The following ATRNL1 variants were observed in gnomAD, a reference collection of about 807,000 sequenced individuals.
The protein encoded by ATRNL1 is attractin like 1.
Under a neutral mutation model 182.7 loss-of-function variants are expected in ATRNL1, and 95 were observed. The ratio of observed to expected loss-of-function variants is 0.52; its 90% confidence interval spans 0.44 to 0.62. The LOEUF (loss-of-function observed/expected upper bound fraction) is 0.62. ATRNL1 is among the 20% of genes least tolerant of loss of function. The pLI, the probability that ATRNL1 is intolerant of heterozygous loss-of-function variation, is 0.00. For synonymous variants in ATRNL1, 576 were observed against 568.3 expected (o/e 1.01, Z -0.19); for missense variants, 1,471 against 1,679.5 (o/e 0.88, Z 2.17).
At chr10:115,649,898 C>G (rs1028425939) in intron 26 of ATRNL1, among the ~76,000 whole-genome samples, 1 of 151,836 alleles carries the variant, frequency 6.6e-6, no homozygotes, top group East Asian at 1.9e-4. Context: ...ATAGATAGTC[C>G]AATAAAAGAA....
At chr10:115,736,157 C>T (rs568182142) in intron 27 of ATRNL1, among the ~76,000 whole-genome samples, 12 of 152,238 alleles carry the variant, frequency 7.9e-5, no homozygotes, top group East Asian at 1.9e-4. Flanking sequence ...TGATTAGATG[C>T]GTGTTAAACC....
chr10:115,098,490 C>G, intron 1 of ATRNL1, among the ~76,000 whole-genome samples: 1 of 114,086 alleles, frequency 8.8e-6, no homozygotes, highest in Non-Finnish European at 1.6e-5. Flanking sequence ...GAGACCGAGT[C>G]TGGCTCTGTC....
At chr10:115,596,932 T>C (rs782077079) in intron 26 of ATRNL1, among the ~76,000 whole-genome samples, 5 of 152,126 alleles carry the variant, frequency 3.3e-5, no homozygotes, top group Non-Finnish European at 7.4e-5. Context: ...TGATTTATAA[T>C]GTTACATTTA....
At chr10:115,684,422 CATT>C (rs1347594795) in intron 26 of ATRNL1, among the ~76,000 whole-genome samples, 2 of 148,992 alleles carry the variant, frequency 1.3e-5, no homozygotes, top group African/African-American at 2.4e-5. Context: ...TTTGTAATAA[CATT>C]AGTACAAATA....
chr10:115,796,998 A>G (rs965368860), intron 27 of ATRNL1, among the ~76,000 whole-genome samples: 9 of 152,206 alleles, frequency 5.9e-5, no homozygotes, highest in Admixed American at 5.2e-4. Context: ...TTTCAACCTT[A>G]TAGCTCCTCC....
rs1317855022 is a variant in ATRNL1, at chr10:115,254,555, G to A, written c.1688-10638G>A. ...ATATTAGCCCTTTGTCAGATGGGTA[G>A]ATTGCAAAAATTTTCTCCCATTCTG... On this transcript the variant is annotated intron_variant, in intron 10 of 28. Transcript: ENST00000355044. 7.9e-5 allele frequency among the ~76,000 whole-genome samples: 12 copies of A among 152,206 alleles called. No homozygotes were observed. In the East Asian group the frequency reaches 2.1e-3, roughly 27 times the overall value.
chr10:115,644,804 T>TAGA (rs1217948434), intron 26 of ATRNL1, among the ~76,000 whole-genome samples: 18 of 152,182 alleles, frequency 1.2e-4, no homozygotes, highest in African/African-American at 3.6e-4. Context: ...ATAAAGTGCT[T>TAGA]AGAAGCAATA....
chr10:115,941,017 A>G (rs1953715613), intron 28 of ATRNL1, among the ~76,000 whole-genome samples: 1 of 152,226 alleles, frequency 6.6e-6, no homozygotes, highest in Admixed American at 6.5e-5. Flanking sequence ...TAAAGGACCT[A>G]AGCCAAATGA....
intron 28 of ATRNL1, among the ~76,000 whole-genome samples, chr10:115,939,984 T>C (rs1555123803): frequency 6.6e-6 from 1 of 152,230 alleles, no homozygotes; most frequent in Non-Finnish European, 1.5e-5. Context: ...ACGACCTTTA[T>C]GTCTTTGTTG....
intron 27 of ATRNL1, among the ~76,000 whole-genome samples, chr10:115,734,268 G>A (rs12259760): frequency 1.3e-5 from 2 of 151,900 alleles, no homozygotes; most frequent in Non-Finnish European, 2.9e-5. Context: ...TAGAAATGTC[G>A]CTGTTCACAC....
At chr10:115,332,791 A>G (rs1159752869) in intron 18 of ATRNL1, among the ~76,000 whole-genome samples, 1 of 151,688 alleles carries the variant, frequency 6.6e-6, no homozygotes, top group South Asian at 2.1e-4. Context: ...TTTTCTGAAT[A>G]TAAGAGGCAG....
intron 19 of ATRNL1, among the ~76,000 whole-genome samples, chr10:115,391,860 T>G (rs542820693): frequency 1.3e-5 from 2 of 152,142 alleles, no homozygotes; most frequent in African/African-American, 4.8e-5. Flanking sequence ...ATTTTTGACT[T>G]AATTGTATTG....
intron 9 of ATRNL1, among the ~76,000 whole-genome samples, chr10:115,223,219 T>C (rs782368467): frequency 3.9e-5 from 6 of 152,152 alleles, no homozygotes; most frequent in African/African-American, 7.2e-5. Flanking sequence ...AGGCAGAGGT[T>C]GCAATGAGCT....
chr10:115,712,777 A>T (rs1367718992), intron 26 of ATRNL1, among the ~76,000 whole-genome samples: 3 of 151,956 alleles, frequency 2.0e-5, no homozygotes, highest in Non-Finnish European at 2.9e-5. Context: ...CTGAGGCACG[A>T]TGATCGCTTG....
chr10:115,701,642 A>G (rs1946740254), intron 26 of ATRNL1, among the ~76,000 whole-genome samples: 1 of 152,058 alleles, frequency 6.6e-6, no homozygotes, highest in South Asian at 2.1e-4. Flanking sequence ...GCGAAAATAT[A>G]AAAGTTCTTC....
chr10:115,700,601 T>C (rs570261493), intron 26 of ATRNL1, among the ~76,000 whole-genome samples: 1 of 152,264 alleles, frequency 6.6e-6, no homozygotes, highest in East Asian at 1.9e-4. Context: ...ATATTAGACC[T>C]TTATTGGCTG....
chr10:115,587,480 C>T (rs1024733709), intron 26 of ATRNL1, among the ~76,000 whole-genome samples: 17 of 151,758 alleles, frequency 1.1e-4, no homozygotes, highest in Non-Finnish European at 1.5e-4. Context: ...TGTTTTAGCC[C>T]GTCGGAAAAG....
chr10:115,781,457 T>A (rs879959051), intron 27 of ATRNL1, among the ~76,000 whole-genome samples: 25 of 152,288 alleles, frequency 1.6e-4, no homozygotes, highest in Middle Eastern at 3.4e-3. Context: ...TTAAGATAAA[T>A]ACATTTTAGT....
chr10:115,450,474 C>G (rs1847226605), intron 21 of ATRNL1, among the ~76,000 whole-genome samples: 1 of 152,110 alleles, frequency 6.6e-6, no homozygotes, highest in Non-Finnish European at 1.5e-5. Context: ...TACTAGTGTT[C>G]CTATGCACCA....
Sources: allele counts gnomAD v4.1 joint callset (sites outside exome capture counted in the v4.1 genomes callset), GRCh38; gene constraint gnomAD v4.1.1; transcripts MANE v1.5; gene names NCBI Gene and HGNC (gene_info 2026-07-23, HGNC 2026-07-21).